ADGRB1: variants seen among roughly 807,000 people sequenced by gnomAD.
ADGRB1 encodes adhesion G protein-coupled receptor B1, also known as brain-specific angiogenesis inhibitor 1.
ADGRB1 carries 36 observed loss-of-function variants against 175.7 expected under a neutral mutation model. That is an observed-to-expected ratio of 0.20 (90% CI 0.16 to 0.27). ADGRB1 has a LOEUF of 0.27. Among genes scored for constraint, ADGRB1 ranks in the 10% least tolerant of loss-of-function variants. The pLI is 1.00. For missense variants in ADGRB1, 1,731 were observed against 2,255.3 expected (o/e 0.77, Z 4.71); for synonymous variants, 1,054 against 979.4 (o/e 1.08, Z -1.42).
At chr8:142,456,272 T>G (rs1477971975) in intron 1 of ADGRB1, among the ~76,000 whole-genome samples, 2 of 152,068 alleles carry the variant, frequency 1.3e-5, no homozygotes, top group East Asian at 3.9e-4. Flanking sequence ...CTCGCACACC[T>G]GAAAGACGTG....
At chr8:142,461,431 G>A (rs572736863) in intron 1 of ADGRB1, among the ~76,000 whole-genome samples, 50 of 152,370 alleles carry the variant, frequency 3.3e-4, no homozygotes, top group East Asian at 1.2e-3. Context: ...TCCACACGGC[G>A]TTGCGGACAC....
Position 142,543,455 on chromosome 8 carries a change from C to A in ADGRB1, c.4449+17C>A, listed in dbSNP as rs764047192. ...GACTTTGAGGTGAGTTCTGGTGTCC[C>A]CCCCCACCAGACACTTAGGGCCAGA... On this transcript the variant is annotated intron_variant, in intron 29 of 30. Coordinates refer to ENST00000517894, the MANE Select transcript of ADGRB1 (RefSeq NM_001702.3). The surrounding 1 kb of genome is among the most constrained non-coding windows in gnomAD (Gnocchi z 4.4). The A allele has an allele frequency of 6.8e-6, 11 of 1,613,418 alleles. No individual in the cohort carries two copies. In the South Asian group the frequency reaches 9.9e-5, roughly 15 times the overall value.
At chr8:142,513,859 G>A (rs1843246879) in intron 18 of ADGRB1, among the ~76,000 whole-genome samples, 1 of 152,096 alleles carries the variant, frequency 6.6e-6, no homozygotes, top group Non-Finnish European at 1.5e-5. Context: ...GGCAGGAGAG[G>A]CAGAGAGACT....
intron 17 of ADGRB1, among the ~76,000 whole-genome samples, chr8:142,498,290 C>T (rs1198401717): frequency 6.6e-6 from 1 of 152,210 alleles, no homozygotes; most frequent in Admixed American, 6.5e-5. Flanking sequence ...TGCCATGGCT[C>T]CAGGCACACA....
intron 24 of ADGRB1, among the ~76,000 whole-genome samples, chr8:142,531,935 G>A (rs902960718): frequency 1.7e-4 from 26 of 152,144 alleles, no homozygotes; most frequent in Non-Finnish European, 2.8e-4. Context: ...CTGCACTAGG[G>A]GTGGGAGCAG....
At chr8:142,462,683 A>G (rs1840033218) in intron 1 of ADGRB1, among the ~76,000 whole-genome samples, 1 of 152,220 alleles carries the variant, frequency 6.6e-6, no homozygotes, top group Non-Finnish European at 1.5e-5. Context: ...GGCGACCGGC[A>G]TTTGTGCGGT....
intron 2 of ADGRB1, among the ~76,000 whole-genome samples, chr8:142,466,709 G>A (rs1840297416): frequency 6.6e-6 from 1 of 152,212 alleles, no homozygotes; most frequent in Non-Finnish European, 1.5e-5. Context: ...GGGGGACTGG[G>A]GAGAGAACGA....
chr8:142,469,100 C>T (rs1016358994), intron 2 of ADGRB1, among the ~76,000 whole-genome samples: 6 of 152,348 alleles, frequency 3.9e-5, no homozygotes, highest in African/African-American at 7.2e-5. Flanking sequence ...AACACTAGGG[C>T]GTCTGCAGTG....
intron 2 of ADGRB1, 108 bp from the exon 3 acceptor site, chr8:142,475,366 C>A: frequency 8.8e-7 from 1 of 1,134,282 alleles, no homozygotes; most frequent in Non-Finnish European, 1.1e-6. Context: ...GCACTGCGGC[C>A]CCTCCCCACC....
chr8:142,464,892 G>A lies in ADGRB1; in HGVS notation c.694G>A (p.Gly232Arg), dbSNP rs1211923818. 4 of 1,526,374 alleles carry A rather than the reference G, an allele frequency of 2.6e-6. No individual in the cohort carries two copies. The highest frequency in any genetic ancestry group is 1.4e-5 in the African/African-American group (1 of 71,846). 94.6% of individuals were successfully genotyped at this position (1,526,374 alleles called of 1,614,324 possible). A position where few individuals can be genotyped will look rare whatever the true frequency, so the allele number is the denominator to read the frequency against. Reference protein sequence around the residue: ...GPAAGPLAPRGDVCLRDAVAG... With the variant: ...GPAAGPLAPRRDVCLRDAVAG... Reference sequence around the variant, plus strand: ...TGCCGCGGGACCCCTGGCCCCCCGCGGGGATGTCTGCTTGAGAGATGCGGT... The same window carrying A: ...TGCCGCGGGACCCCTGGCCCCCCGCAGGGATGTCTGCTTGAGAGATGCGGT... The change falls in exon 2 of 31, where the codon GGG becomes AGG. Residue 232 changes from glycine to arginine, a missense_variant. Physicochemically the swap from Gly to Arg is moderately radical, Grantham distance 125 (BLOSUM62 -2). Transcript: ENST00000517894.
rs1439235608 is a variant in ADGRB1 at position 142,480,435 on chromosome 8, C to T, written c.1828+641C>T. Among the ~76,000 whole-genome samples the T allele has an allele frequency of 5.9e-5, 9 of 152,178 alleles. No individual in the cohort carries two copies. The South Asian group carries it at 6.2e-4, about 11-fold the overall frequency. On this transcript the variant is annotated intron_variant, in intron 9 of 30. Coordinates refer to ENST00000517894, the MANE Select transcript of ADGRB1 (RefSeq NM_001702.3). ...AGCTGCTGTGGGGAGGTGTGGGGGA[C>T]GGTGGCAGGGGCCCTGTGTTGCCAG...
At position 142,464,873 on chromosome 8, in the gene ADGRB1, G is replaced by A. The variant is rs1395449353; in HGVS notation, c.675G>A (p.Ala225=). ...GCGGCGAGGCGGGCGGCCCTGCCGC[G>A]GGACCCCTGGCCCCCCGCGGGGATG... ...CLGGEAGGPA[A]GPLAPRGDVC... Residue 225 remains alanine, a synonymous_variant, in exon 2 of 31, where the codon GCG becomes GCA. Transcript: ENST00000517894. 4 of 1,521,238 alleles carry A rather than the reference G, an allele frequency of 2.6e-6. No homozygotes were observed. Among genetic ancestry groups the A allele is most frequent in the South Asian group, 1.2e-5 (1 of 82,128 alleles). 94.2% of individuals were successfully genotyped at this position (1,521,238 alleles called of 1,614,324 possible). A position where few individuals can be genotyped will look rare whatever the true frequency, so the allele number is the denominator to read the frequency against.
In ADGRB1 at chr8:142,464,689, G is replaced by C. The variant is rs1285421647; in HGVS notation, c.491G>C (p.Gly164Ala). The change falls in exon 2 of 31, where the codon GGC becomes GCC. Residue 164 changes from glycine (G) to alanine (A), a missense_variant. By Grantham distance (60) the Gly-to-Ala change is moderately conservative (BLOSUM62 0). Coordinates refer to ENST00000517894, the MANE Select transcript of ADGRB1 (RefSeq NM_001702.3). The stretch of plus-strand genomic sequence containing the variant: ...CTCCGGCCCCGGGCCGGGCCGCCGG[G>C]CCCCACCGACGACTTCTCCGTGGAG... Reference protein sequence around the residue: ...DGLRPRAGPPGPTDDFSVEYL... With the variant: ...DGLRPRAGPPAPTDDFSVEYL... 6.5e-7 allele frequency: 1 copy of C among 1,527,636 alleles called. No homozygotes were observed. The allele number at this position is 1,527,636 out of a possible 1,614,324, so 94.6% of individuals were successfully genotyped here.
In ADGRB1 at chr8:142,510,948, C is replaced by T. The variant is rs767474733; in HGVS notation, c.2692C>T (p.Pro898Ser). 7.3e-4 allele frequency: 940 copies of T among 1,290,114 alleles called. 1 individual carries two copies. Among genetic ancestry groups the T allele is most frequent in the Non-Finnish European group, 8.9e-4 (892 of 1,001,266 alleles). 79.9% of individuals were successfully genotyped at this position (1,290,114 alleles called of 1,614,324 possible). ...CGCCCCCAGACCCTCCTCCTCCGCCCCCCCGCAGCTCGGGCCCTGGTCGTG... is the reference window on the plus strand; with the variant it reads ...CGCCCCCAGACCCTCCTCCTCCGCCTCCCCGCAGCTCGGGCCCTGGTCGTG... ...DETDVPSSSA[P>S]PQLGPWSWRG... Residue 898 changes from proline (P) to serine (S), a missense_variant, in exon 18 of 31, where the codon CCC becomes TCC. Pro to Ser is a moderately conservative substitution (Grantham distance 74). Coordinates refer to ENST00000517894, the MANE Select transcript of ADGRB1 (RefSeq NM_001702.3). This position sits in a 1 kb window ranked among gnomAD's most constrained non-coding sequence, Gnocchi z 6.3.
chr8:142,479,297 G>A, intron 7 of ADGRB1, 26 bp from the exon 8 acceptor site: 1 of 1,468,856 alleles, frequency 6.8e-7, no homozygotes, highest in Admixed American at 2.6e-5. Context: ...TGTCGCCTGT[G>A]CCCTGTGTCT....
intron 1 of ADGRB1, among the ~76,000 whole-genome samples, chr8:142,453,079 G>A (rs1268932660): frequency 7.4e-6 from 1 of 134,472 alleles, no homozygotes; most frequent in Non-Finnish European, 1.6e-5. Context: ...TCCCGCCGCC[G>A]GGTCCCGTGA....
chr8:142,502,673 A>G (rs68045567), intron 17 of ADGRB1, among the ~76,000 whole-genome samples: 126,188 of 149,064 alleles, frequency 0.85, 53,802 homozygotes, highest in African/African-American at 0.96. Flanking sequence ...TGGTGGTAGT[A>G]AGGGTCGCAT....
chr8:142,472,328 G>A lies in ADGRB1; in HGVS notation c.785-3146G>A, dbSNP rs373275824. Among the ~76,000 whole-genome samples the A allele has an allele frequency of 3.9e-5, 6 of 152,182 alleles. No homozygotes were observed. The East Asian group carries it at 5.8e-4, about 15-fold the overall frequency. On this transcript the variant is annotated intron_variant, in intron 2 of 30. Transcript: ENST00000517894. ...GCCAGGCTGCCTGGGGCCGTTAATT[G>A]GCTCTATTCATCCCCTTAATGAGAT...
Position 142,490,795 on chromosome 8 carries a change from C to A in ADGRB1, c.2655C>A (p.Ile885=). The A allele has an allele frequency of 1.9e-6, 3 of 1,585,040 alleles. No individual in the cohort carries two copies. The highest frequency in any genetic ancestry group is 1.3e-5 in the African/African-American group (1 of 74,562). The change falls in exon 17 of 31, where the codon ATC becomes ATA. Residue 885 remains isoleucine, a synonymous_variant. Transcript: ENST00000517894. ...AGGGCACCACCAACCAGACCTGTATCCTGTGGGATGAGACGGATGTGTAAG... is the reference window on the plus strand; with the variant it reads ...AGGGCACCACCAACCAGACCTGTATACTGTGGGATGAGACGGATGTGTAAG... The part of the protein sequence containing the change: ...MYNGTTNQTC[I]LWDETDVPSS...
Sources: gnomAD v4.1 joint callset for allele counts (sites outside exome capture counted in the v4.1 genomes callset) on GRCh38, gnomAD v4.1.1 for gene constraint, Gnocchi (gnomAD v3.1) non-coding constraint, MANE v1.5 for transcripts, NCBI Gene and HGNC (gene_info 2026-07-23, HGNC 2026-07-21) for gene names.